Variants in ERC2 observed in about 807,000 individuals in gnomAD.
ERC2 encodes the protein ERC protein 2.
A neutral mutation model predicts 114.8 loss-of-function variants in ERC2; 42 were observed. The ratio of observed to expected loss-of-function variants is 0.37; its 90% CI spans 0.29 to 0.47. The LOEUF is 0.47. ERC2 is among the 20% of genes least tolerant of loss of function. The pLI, the probability that ERC2 is intolerant of heterozygous loss-of-function variation, is 0.99. For synonymous variants in ERC2, 454 were observed against 425.5 expected, an observed-to-expected ratio of 1.07 and a Z score of -0.82; for missense variants, 939 against 1,150.7, an observed-to-expected ratio of 0.82 and a Z score of 2.66.
intron 17 of ERC2, among the ~76,000 whole-genome samples, chr3:55,558,800 G>A (rs1365284021): frequency 6.6e-6 from 1 of 152,222 alleles, no homozygotes. Context: ...ATCCAAGCTA[G>A]ATCTCCCAAG....
chr3:56,121,079 C>T (rs374263665), intron 6 of ERC2, among the ~76,000 whole-genome samples: 6 of 152,274 alleles, frequency 3.9e-5, no homozygotes, highest in East Asian at 3.9e-4. Context: ...ACTGTTTAGA[C>T]CTGTGGCTTT....
intron 17 of ERC2, among the ~76,000 whole-genome samples, chr3:55,671,057 G>T (rs1251499081): frequency 6.6e-6 from 1 of 152,152 alleles, no homozygotes; most frequent in Non-Finnish European, 1.5e-5. Flanking sequence ...TGGCAGCAAG[G>T]TTGCTCTAAC....
chr3:56,266,942 T>A (rs1184679001), intron 3 of ERC2, among the ~76,000 whole-genome samples: 1 of 152,224 alleles, frequency 6.6e-6, no homozygotes, highest in Non-Finnish European at 1.5e-5. Context: ...TGCAGCATTA[T>A]TCACAATAGC....
At position 55,851,919 on chromosome 3, in the gene ERC2, A is replaced by G. The variant is rs529907349; in HGVS notation, c.2564+36470T>C. Among the ~76,000 whole-genome samples, 10 of 152,244 alleles carry G rather than the reference A, an allele frequency of 6.6e-5. No homozygotes were observed. The South Asian group carries it at 1.7e-3, about 25-fold the overall frequency. ...ACTGGCAGTTTGTTTTAGGCTTAACATATTAATTTATTGCTAAAACAGGCC... is the reference window on the plus strand; with the variant it reads ...ACTGGCAGTTTGTTTTAGGCTTAACGTATTAATTTATTGCTAAAACAGGCC... On this transcript the variant is annotated intron_variant, in intron 14 of 17. Coordinates refer to ENST00000288221, the MANE Select transcript of ERC2 (RefSeq NM_015576.3).
chr3:56,127,891 G>A (rs2079971392), intron 6 of ERC2, among the ~76,000 whole-genome samples: 1 of 152,088 alleles, frequency 6.6e-6, no homozygotes, highest in East Asian at 1.9e-4. Context: ...TTCAATAAAT[G>A]GTACTGGGAA....
At chr3:56,355,100 A>T (rs964490233) in intron 2 of ERC2, among the ~76,000 whole-genome samples, 1 of 152,186 alleles carries the variant, frequency 6.6e-6, no homozygotes, top group Non-Finnish European at 1.5e-5. Context: ...GGGTCCAAAA[A>T]TGATCCTTTT....
intron 7 of ERC2, among the ~76,000 whole-genome samples, chr3:56,060,508 C>T (rs1198357741): frequency 6.6e-6 from 1 of 152,124 alleles, no homozygotes. Context: ...ACAGGTTGAC[C>T]ATTTGGGCAA....
At chr3:56,182,758 T>G (rs188312283) in intron 3 of ERC2, among the ~76,000 whole-genome samples, 2 of 152,336 alleles carry the variant, frequency 1.3e-5, no homozygotes, top group East Asian at 1.9e-4. Flanking sequence ...TGAGTTGATA[T>G]TTGAAGTTGA....
intron 7 of ERC2, among the ~76,000 whole-genome samples, chr3:56,040,580 C>T (rs201321134): frequency 2.7e-5 from 2 of 74,584 alleles, no homozygotes; most frequent in South Asian, 5.0e-4. Context: ...TATATGTATA[C>T]ATATACATAT....
At chr3:56,315,414 G>A (rs1256850695) in intron 2 of ERC2, among the ~76,000 whole-genome samples, 5 of 152,072 alleles carry the variant, frequency 3.3e-5, no homozygotes, top group Admixed American at 6.6e-5. Flanking sequence ...TACCATCACC[G>A]AAAGAATATG....
chr3:56,233,104 T>C (rs2050734102), intron 3 of ERC2, among the ~76,000 whole-genome samples: 2 of 152,238 alleles, frequency 1.3e-5, no homozygotes, highest in Non-Finnish European at 2.9e-5. Flanking sequence ...GTATGGACTT[T>C]AATGGGGTTT....
chr3:56,248,374 G>A (rs1252571196), intron 3 of ERC2, among the ~76,000 whole-genome samples: 2 of 152,200 alleles, frequency 1.3e-5, no homozygotes, highest in African/African-American at 4.8e-5. Flanking sequence ...GATTACAGGT[G>A]TGAGTCACTG....
intron 17 of ERC2, among the ~76,000 whole-genome samples, chr3:55,682,484 C>CA: frequency 6.6e-6 from 1 of 151,920 alleles, no homozygotes; most frequent in East Asian, 1.9e-4. Context: ...CCCTCAGTAC[C>CA]AAAAAAAGCA....
chr3:55,713,117 T>A (rs1218923324), intron 15 of ERC2, among the ~76,000 whole-genome samples: 235 of 115,450 alleles, frequency 2.0e-3, no homozygotes, highest in African/African-American at 8.8e-3. Context: ...TCTCTCTCTC[T>A]CTCTCTCTCT....
chr3:56,112,645 GT>G (rs1482478125), intron 6 of ERC2, among the ~76,000 whole-genome samples: 6 of 152,130 alleles, frequency 3.9e-5, no homozygotes, highest in Non-Finnish European at 5.9e-5. Flanking sequence ...AAATTCGTAA[GT>G]TCAGGGGTAA....
In ERC2 at chr3:55,662,250, G is replaced by A. The variant is rs192252452; in HGVS notation, c.*39+21544C>T. Among the ~76,000 whole-genome samples the A allele has an allele frequency of 3.2e-3, 494 of 152,294 alleles. 4 individuals are homozygous for A. The highest frequency in any genetic ancestry group is 7.1e-3 in the Admixed American group (109 of 15,304). The stretch of plus-strand genomic sequence containing the variant: ...ATTGTGCAGAAATACTTGCACATAC[G>A]CCCAAAGGCATATACACAAAATTAT... On this transcript the variant is annotated intron_variant, in intron 17 of 17. Transcript: ENST00000288221.
intron 10 of ERC2, among the ~76,000 whole-genome samples, chr3:55,995,640 C>T (rs2071445661): frequency 6.6e-6 from 1 of 152,156 alleles, no homozygotes; most frequent in Non-Finnish European, 1.5e-5. Context: ...ACTGGGAAGG[C>T]TGGTGAGTCC....
chr3:56,136,640 T>C (rs1460796905), intron 6 of ERC2, among the ~76,000 whole-genome samples: 1 of 152,142 alleles, frequency 6.6e-6, no homozygotes, highest in African/African-American at 2.4e-5. Context: ...TATTTACCTC[T>C]GCTATCCCAA....
At chr3:56,456,279 T>C (rs1048936118) in intron 1 of ERC2, among the ~76,000 whole-genome samples, 31 of 152,218 alleles carry the variant, frequency 2.0e-4, no homozygotes, top group African/African-American at 7.5e-4. Flanking sequence ...AGAGATTTTA[T>C]CACAATAATC....
Sources: allele counts gnomAD v4.1 joint callset (sites outside exome capture counted in the v4.1 genomes callset), GRCh38; gene constraint gnomAD v4.1.1; transcripts MANE v1.5; gene names NCBI Gene and HGNC (gene_info 2026-07-23, HGNC 2026-07-21).